Variants in BNC2 observed in about 807,000 individuals in gnomAD.
The protein encoded by BNC2 is zinc finger protein basonuclin-2.
In BNC2, 20 loss-of-function variants were observed where a neutral mutation model predicts 76.3. The ratio of observed to expected loss-of-function variants is 0.26; its 90% CI spans 0.18 to 0.38. The LOEUF (loss-of-function observed/expected upper bound fraction) is 0.38, where lower values mean the gene tolerates loss of function less well. Ranked by LOEUF, BNC2 falls within the 10% of genes least tolerant of loss-of-function variation. The probability of loss-of-function intolerance (pLI) is 1.00; values close to 1 mark genes in which losing one functional copy is unlikely to be tolerated. For synonymous variants in BNC2, 582 were observed against 514.8 expected (o/e 1.13, Z -1.77); for missense variants, 1,382 against 1,399.8 (o/e 0.99, Z 0.20).
intron 3 of BNC2, among the ~76,000 whole-genome samples, chr9:16,693,732 AAAAG>A (rs1377432989): frequency 6.6e-6 from 1 of 152,228 alleles, no homozygotes; most frequent in Non-Finnish European, 1.5e-5. Context: ...CTCTGTAAAG[AAAAG>A]AAAGGAAGCC....
intron 5 of BNC2, among the ~76,000 whole-genome samples, chr9:16,506,394 A>G (rs945663549): frequency 9.2e-5 from 14 of 151,746 alleles, no homozygotes; most frequent in African/African-American, 3.2e-4. Flanking sequence ...CTTAAGTGAA[A>G]TTATCTGCTG....
intron 4 of BNC2, among the ~76,000 whole-genome samples, chr9:16,581,616 G>C (rs1463935136): frequency 6.6e-6 from 1 of 152,178 alleles, no homozygotes; most frequent in Admixed American, 6.6e-5. Flanking sequence ...TGGAATTCTA[G>C]CCTCCAGAGC....
chr9:16,634,792 C>T (rs1181706062), intron 3 of BNC2, among the ~76,000 whole-genome samples: 1 of 152,132 alleles, frequency 6.6e-6, no homozygotes, highest in African/African-American at 2.4e-5. Flanking sequence ...TGAACAACCG[C>T]GCCCGGCCCA....
At chr9:16,513,447 C>A (rs1485608157) in intron 5 of BNC2, among the ~76,000 whole-genome samples, 3 of 151,914 alleles carry the variant, frequency 2.0e-5, no homozygotes, top group Admixed American at 2.0e-4. Flanking sequence ...GCTGGGGCTA[C>A]AGGTGCCTGC....
At chr9:16,628,626 C>T (rs1363807399) in intron 3 of BNC2, among the ~76,000 whole-genome samples, 2 of 152,158 alleles carry the variant, frequency 1.3e-5, no homozygotes, top group African/African-American at 4.8e-5. Flanking sequence ...CACACAAACA[C>T]ACACGCAGAG....
chr9:16,790,244 G>A (rs915930724), intron 1 of BNC2, among the ~76,000 whole-genome samples: 14 of 152,112 alleles, frequency 9.2e-5, no homozygotes, highest in East Asian at 3.9e-4. Flanking sequence ...TGATCCGCCC[G>A]CCTCGGCCTC....
At chr9:16,470,288 TG>T (rs1821795344) in intron 5 of BNC2, among the ~76,000 whole-genome samples, 1 of 152,122 alleles carries the variant, frequency 6.6e-6, no homozygotes, top group Non-Finnish European at 1.5e-5. Context: ...TGAGCCACCA[TG>T]CCCAGCCGGC....
At chr9:16,863,042 G>A (rs12682783) in intron 1 of BNC2, among the ~76,000 whole-genome samples, 20,485 of 151,702 alleles carry the variant, frequency 0.14, 1,946 homozygotes, top group African/African-American at 0.24. Context: ...AGCCTCCCGA[G>A]TAGCTGGGAT....
Position 16,437,004 on chromosome 9 carries a change from G to C in BNC2, c.1190C>G (p.Thr397Ser), listed in dbSNP as rs1395039244. 3 of 1,614,026 alleles carry C rather than the reference G, an allele frequency of 1.9e-6. No homozygotes were observed. Among genetic ancestry groups the C allele is most frequent in the Non-Finnish European group, 2.5e-6 (3 of 1,180,026 alleles). The change falls in exon 6 of 7, where the codon ACC becomes AGC. Residue 397 changes from threonine to serine, a missense_variant. Coordinates refer to ENST00000380672, the MANE Select transcript of BNC2 (RefSeq NM_017637.6). ...AATGGGAGAGACACAGGCTGGCTCG[G>C]TTTTGGGCTCCACATTAGTAATGCT... ...LTSITNVEPK[T>S]EPACVSPIQN...
intron 1 of BNC2, among the ~76,000 whole-genome samples, chr9:16,790,453 T>A (rs1299980801): frequency 6.6e-6 from 1 of 152,230 alleles, no homozygotes; most frequent in Non-Finnish European, 1.5e-5. Flanking sequence ...CTCTGAGAAT[T>A]GTTTTATTTA....
intron 3 of BNC2, among the ~76,000 whole-genome samples, chr9:16,669,300 C>T (rs1049145696): frequency 1.3e-5 from 2 of 152,152 alleles, no homozygotes; most frequent in Non-Finnish European, 2.9e-5. Flanking sequence ...ATCTAAAACT[C>T]CTTATCCTCT....
chr9:16,421,251 G>T, intron 6 of BNC2: 1 of 1,298,194 alleles, frequency 7.7e-7, no homozygotes. Context: ...ACTTAGGAAG[G>T]CTGAGCTTAC....
intron 5 of BNC2, among the ~76,000 whole-genome samples, chr9:16,536,471 C>T (rs1253787841): frequency 6.6e-6 from 1 of 152,094 alleles, no homozygotes; most frequent in Admixed American, 6.6e-5. Context: ...AAATGTATTT[C>T]TAGCCTCACA....
chr9:16,453,782 C>A (rs554390349), intron 5 of BNC2, among the ~76,000 whole-genome samples: 1 of 152,146 alleles, frequency 6.6e-6, no homozygotes, highest in Non-Finnish European at 1.5e-5. Context: ...ATGCCACTTT[C>A]CCGAGTGACA....
At chr9:16,622,744 G>C (rs910231722) in intron 3 of BNC2, among the ~76,000 whole-genome samples, 1 of 152,016 alleles carries the variant, frequency 6.6e-6, no homozygotes, top group Non-Finnish European at 1.5e-5. Flanking sequence ...CAGGAGGAGG[G>C]TATTTTTAGA....
At chr9:16,822,934 T>C (rs1427701212) in intron 1 of BNC2, among the ~76,000 whole-genome samples, 3 of 152,164 alleles carry the variant, frequency 2.0e-5, no homozygotes, top group African/African-American at 7.2e-5. Context: ...CTTAATATTA[T>C]TTAGGAAGTG....
chr9:16,810,854 G>C (rs995144548), intron 1 of BNC2, among the ~76,000 whole-genome samples: 1 of 152,132 alleles, frequency 6.6e-6, no homozygotes, highest in Non-Finnish European at 1.5e-5. Context: ...TTTTTCAAGA[G>C]AAACCAGAAC....
At chr9:16,815,769 CT>C (rs1333131793) in intron 1 of BNC2, among the ~76,000 whole-genome samples, 1 of 152,178 alleles carries the variant, frequency 6.6e-6, no homozygotes, top group Non-Finnish European at 1.5e-5. Flanking sequence ...TTGAAGAACT[CT>C]TCTCCTACCA....
chr9:16,539,525 T>G (rs1365537193), intron 5 of BNC2, among the ~76,000 whole-genome samples: 9 of 112,262 alleles, frequency 8.0e-5, no homozygotes, highest in African/African-American at 1.0e-4. Context: ...GAGAGAGGGA[T>G]GGAGAGAGAG....
Sources: allele counts gnomAD v4.1 joint callset (sites outside exome capture counted in the v4.1 genomes callset), GRCh38; gene constraint gnomAD v4.1.1; transcripts MANE v1.5; gene names NCBI Gene and HGNC (gene_info 2026-07-23, HGNC 2026-07-21).